HPSE2: variants seen among roughly 807,000 people sequenced by gnomAD.
HPSE2 encodes the protein inactive heparanase-2.
Under a neutral mutation model 60.5 loss-of-function variants are expected in HPSE2, and 38 were observed. The observed-to-expected ratio is 0.63, with a 90% CI of 0.48 to 0.82. The LOEUF is 0.82. Ranked by LOEUF, HPSE2 falls within the 40% of genes least tolerant of loss-of-function variation. The pLI is 0.00. For missense variants in HPSE2, 713 were observed against 740.4 expected (o/e 0.96, Z 0.43); for synonymous variants, 295 against 293.2 (o/e 1.01, Z -0.06).
At chr10:98,758,288 C>T (rs758231113) in intron 3 of HPSE2, among the ~76,000 whole-genome samples, 7 of 144,286 alleles carry the variant, frequency 4.9e-5, no homozygotes, top group Non-Finnish European at 1.1e-4. Flanking sequence ...GCAAAGATTT[C>T]ATGATGAAAA....
chr10:98,840,571 C>T (rs183576446), intron 3 of HPSE2, among the ~76,000 whole-genome samples: 5 of 152,216 alleles, frequency 3.3e-5, no homozygotes, highest in Admixed American at 3.3e-4. Context: ...CAGAGATAGA[C>T]TCCGCAGGGC....
At chr10:99,150,826 TA>T (rs34593316) in intron 2 of HPSE2, among the ~76,000 whole-genome samples, 74,739 of 151,372 alleles carry the variant, frequency 0.49, 20,867 homozygotes, top group East Asian at 0.65. Context: ...CAGGAAAAAA[TA>T]AAGTGAAAAA....
intron 3 of HPSE2, among the ~76,000 whole-genome samples, chr10:99,102,469 C>G (rs1377059776): frequency 6.6e-6 from 1 of 152,078 alleles, no homozygotes. Flanking sequence ...ATAACAGGCT[C>G]TGAAATTGAG....
the HPSE2 span, among the ~76,000 whole-genome samples, chr10:99,308,379 C>CAAAAAAAAAAAAAAAAAAAAAA: frequency 5.7e-4 from 16 of 28,132 alleles, 1 homozygote; most frequent in East Asian, 1.7e-3. Context: ...GACTCTGTCT[C>CAAAAAAAAAAAAAAAAAAAAAA]AAAAAAAAAA....
At chr10:98,564,619 C>G (rs535927) in intron 9 of HPSE2, among the ~76,000 whole-genome samples, 1 of 152,122 alleles carries the variant, frequency 6.6e-6, no homozygotes, top group East Asian at 1.9e-4. Context: ...TTTGGCAAAT[C>G]GAGTAGTTAA....
chr10:99,130,409 A>T (rs941891498), intron 3 of HPSE2, among the ~76,000 whole-genome samples: 1 of 152,226 alleles, frequency 6.6e-6, no homozygotes, highest in Non-Finnish European at 1.5e-5. Flanking sequence ...ATACAACAGC[A>T]TATCAAAAAT....
intron 2 of HPSE2, among the ~76,000 whole-genome samples, chr10:99,201,382 A>ACTATT (rs1007971743): frequency 4.6e-5 from 7 of 151,932 alleles, no homozygotes; most frequent in African/African-American, 1.7e-4. Flanking sequence ...CAACCTCACC[A>ACTATT]CTATTCTATT....
At chr10:99,288,315 A>G in the HPSE2 span, among the ~76,000 whole-genome samples, 1 of 152,192 alleles carries the variant, frequency 6.6e-6, no homozygotes, top group East Asian at 1.9e-4. Flanking sequence ...GATAGCTTAC[A>G]CATAAGTTCC....
intron 3 of HPSE2, among the ~76,000 whole-genome samples, chr10:98,820,836 C>T (rs1951407185): frequency 6.6e-6 from 1 of 152,208 alleles, no homozygotes; most frequent in Admixed American, 6.5e-5. Context: ...GAACTCTACT[C>T]TCACTGTCTA....
chr10:98,946,557 C>G (rs1402159201), intron 3 of HPSE2, among the ~76,000 whole-genome samples: 1 of 150,760 alleles, frequency 6.6e-6, no homozygotes, highest in Non-Finnish European at 1.5e-5. Context: ...GCAGAGGAAA[C>G]AGAGTGTTGG....
chr10:98,840,141 T>C (rs1951876948), intron 3 of HPSE2, among the ~76,000 whole-genome samples: 1 of 152,224 alleles, frequency 6.6e-6, no homozygotes, highest in Non-Finnish European at 1.5e-5. Context: ...AAATGAACTA[T>C]TTTTTAATTA....
intron 3 of HPSE2, among the ~76,000 whole-genome samples, chr10:98,821,855 G>GC (rs372939902): frequency 2.0e-5 from 3 of 152,218 alleles, no homozygotes; most frequent in African/African-American, 7.2e-5. Context: ...TGCAGCAAAA[G>GC]CAACTACCTA....
At chr10:99,082,781 C>A (rs76513663) in intron 3 of HPSE2, among the ~76,000 whole-genome samples, 6,348 of 152,156 alleles carry the variant, frequency 0.042, 195 homozygotes, top group Non-Finnish European at 0.066. Context: ...TTATTTCTAC[C>A]CTATTTTCGA....
chr10:99,112,260 G>C (rs1844491852), intron 3 of HPSE2, among the ~76,000 whole-genome samples: 1 of 151,988 alleles, frequency 6.6e-6, no homozygotes, highest in Non-Finnish European at 1.5e-5. Context: ...TCTTTTTTGA[G>C]ACAGAGTCTC....
In HPSE2 at chr10:99,167,001, TTTTGTTTG is replaced by T. The variant is rs554070927; in HGVS notation, c.449-22610_449-22603del. Among the ~76,000 whole-genome samples, 54 of 150,238 alleles carry T rather than the reference TTTTGTTTG, an allele frequency of 3.6e-4. No homozygotes were observed. The East Asian group carries it at 4.3e-3, about 12-fold the overall frequency. On this transcript the variant is annotated intron_variant, in intron 2 of 11. Coordinates refer to ENST00000370552, the MANE Select transcript of HPSE2 (RefSeq NM_021828.5). The stretch of plus-strand genomic sequence containing the variant: ...TTTCTTTTTTTCTTTTTTCTTTCCT[TTTTGTTTG>T]TTTGTTTGTTTGTTTGTTTGAGACA...
intron 3 of HPSE2, among the ~76,000 whole-genome samples, chr10:99,022,640 A>G (rs1457718907): frequency 6.6e-6 from 1 of 152,130 alleles, no homozygotes; most frequent in Non-Finnish European, 1.5e-5. Context: ...TTTGTCTTGC[A>G]TCTTGGATAC....
At chr10:99,149,154 A>G (rs1175256598) in intron 2 of HPSE2, among the ~76,000 whole-genome samples, 1 of 152,200 alleles carries the variant, frequency 6.6e-6, no homozygotes, top group Non-Finnish European at 1.5e-5. Context: ...CTAAAAAGCC[A>G]AACATTATGG....
At chr10:99,023,531 G>A (rs905685983) in intron 3 of HPSE2, among the ~76,000 whole-genome samples, 1 of 152,156 alleles carries the variant, frequency 6.6e-6, no homozygotes, top group South Asian at 2.1e-4. Context: ...GGATATAACA[G>A]GCTTTGGGCA....
At chr10:99,099,085 T>C (rs1328804911) in intron 3 of HPSE2, among the ~76,000 whole-genome samples, 1 of 152,162 alleles carries the variant, frequency 6.6e-6, no homozygotes, top group East Asian at 1.9e-4. Context: ...AGATGGGTGA[T>C]TTCTGCATTT....
Sources: gnomAD v4.1 joint callset for allele counts (sites outside exome capture counted in the v4.1 genomes callset) on GRCh38, gnomAD v4.1.1 for gene constraint, MANE v1.5 for transcripts, NCBI Gene and HGNC (gene_info 2026-07-23, HGNC 2026-07-21) for gene names.